The following RNASE4 variants were observed in gnomAD, a reference collection of about 807,000 sequenced individuals.
RNASE4 encodes ribonuclease A family member 4, also known as ribonuclease 4.
For synonymous variants in RNASE4, 93 were observed against 71.4 expected (o/e 1.30, Z -1.52); for missense variants, 194 against 192.8 (o/e 1.01, Z -0.04).
chr14:20,698,813 T>C (rs2139037387), intron 1 of RNASE4: 1 of 152,324 alleles, frequency 6.6e-6, no homozygotes, highest in South Asian at 2.1e-4. Flanking sequence ...ACAATAGTCA[T>C]GTGAGAGGAA....
At chr14:20,696,420 G>C (rs186345989) in intron 1 of RNASE4, among the ~76,000 whole-genome samples, 1 of 152,232 alleles carries the variant, frequency 6.6e-6, no homozygotes, top group East Asian at 1.9e-4. Flanking sequence ...TGAATCAATT[G>C]AAGAATTGAA....
rs141398857 is a variant in RNASE4, at chr14:20,693,920, G to T, written c.-17-5435G>T. 1.6e-5 allele frequency: 26 copies of T among 1,613,978 alleles called. No individual in the cohort carries two copies. Among genetic ancestry groups the T allele is most frequent in the Non-Finnish European group, 2.2e-5 (26 of 1,180,014 alleles). ...TCCCCCTGGCCTCCATGCCAGTACC[G>T]AGCCACAGCGGGGTTCAGAAACGTT... On this transcript the variant is annotated intron_variant, in intron 1 of 1. Transcript: ENST00000555835.
chr14:20,696,932 G>A (rs532444490), intron 1 of RNASE4, among the ~76,000 whole-genome samples: 2 of 152,110 alleles, frequency 1.3e-5, no homozygotes, highest in Non-Finnish European at 2.9e-5. Context: ...TTTAGACCAC[G>A]GTGTCAAAAG....
intron 1 of RNASE4, among the ~76,000 whole-genome samples, chr14:20,689,915 C>CAAAAA (rs58958050): frequency 2.5e-5 from 3 of 121,556 alleles, no homozygotes; most frequent in African/African-American, 9.2e-5. Context: ...GACTCTGTCT[C>CAAAAA]AAAAAAAAAA....
rs974913118 is a variant in RNASE4, at chr14:20,700,850, G to T, written c.*1035G>T. On this transcript the variant is annotated 3_prime_UTR_variant, in exon 2 of 2. Transcript: ENST00000555835. ...AATTAGGGAGCTGTCAGGTCTCTGA[G>T]CCCAAGCCTGCACGTATACATCCAG... 18 of 152,750 alleles carry T rather than the reference G, an allele frequency of 1.2e-4. No individual in the cohort carries two copies. The highest frequency in any genetic ancestry group is 4.1e-4 in the African/African-American group (17 of 41,544). The allele number at this position is 152,750 out of a possible 1,614,324, so 9.5% of individuals were successfully genotyped here. A position where few individuals can be genotyped will look rare whatever the true frequency, so the allele number is the denominator to read the frequency against.
At chr14:20,693,395 A>T in intron 1 of RNASE4, 1 of 964,260 alleles carries the variant, frequency 1.0e-6, no homozygotes, top group Non-Finnish European at 1.6e-6. Flanking sequence ...ACGAAGTGTG[A>T]GGTTAATGAG....
chr14:20,699,181 TC>T, intron 1 of RNASE4, 173 bp from the exon 2 acceptor site: 1 of 588,164 alleles, frequency 1.7e-6, no homozygotes, highest in Non-Finnish European at 3.0e-6. Context: ...TGCAAACTAC[TC>T]ACTCTTGAGG....
rs960652805 is a variant in RNASE4 at position 20,688,797 on chromosome 14, A to G, written c.-18+4039A>G. 13 of 985,294 alleles carry G rather than the reference A, an allele frequency of 1.3e-5. No homozygotes were observed. The African/African-American group carries it at 2.3e-4, about 17-fold the overall frequency. The allele number at this position is 985,294 out of a possible 1,614,324, so 61.0% of individuals were successfully genotyped here. A position where few individuals can be genotyped will look rare whatever the true frequency, so the allele number is the denominator to read the frequency against. Reference sequence around the variant, plus strand: ...CTCCAGGTTCACACAACTGGAACCCATCTCCAGGAACAAACAGCTGGAACC... The same window carrying G: ...CTCCAGGTTCACACAACTGGAACCCGTCTCCAGGAACAAACAGCTGGAACC... On this transcript the variant is annotated intron_variant, in intron 1 of 1. Transcript: ENST00000555835.
chr14:20,698,121 T>C (rs1230300295), intron 1 of RNASE4, among the ~76,000 whole-genome samples: 1 of 152,046 alleles, frequency 6.6e-6, no homozygotes, highest in Non-Finnish European at 1.5e-5. Flanking sequence ...CTTTAATCTG[T>C]CAATGAAAGC....
Position 20,700,097 on chromosome 14 carries a change from A to G in RNASE4, c.*282A>G, listed in dbSNP as rs943566519. The G allele has an allele frequency of 2.6e-6, 1 of 391,874 alleles. No homozygotes were observed. The highest frequency in any genetic ancestry group is 4.2e-5 in the Admixed American group (1 of 23,564). 24.3% of individuals were successfully genotyped at this position (391,874 alleles called of 1,614,324 possible). The stretch of plus-strand genomic sequence containing the variant: ...CCTGTGGAATTTAGTTATTATGTGT[A>G]TTTATGTAGTATTTCAAACATTTCA... On this transcript the variant is annotated 3_prime_UTR_variant, in exon 2 of 2. Transcript: ENST00000555835.
At chr14:20,692,608 A>G (rs573024590) in intron 1 of RNASE4, among the ~76,000 whole-genome samples, 1 of 152,336 alleles carries the variant, frequency 6.6e-6, no homozygotes, top group Non-Finnish European at 1.5e-5. Flanking sequence ...GAATCTAACT[A>G]ATGCTTGATG....
At chr14:20,695,904 T>C (rs1887077405) in intron 1 of RNASE4, among the ~76,000 whole-genome samples, 1 of 152,270 alleles carries the variant, frequency 6.6e-6, no homozygotes, top group African/African-American at 2.4e-5. Flanking sequence ...CTGTCATTCC[T>C]TAAGAAAATA....
chr14:20,697,059 C>T (rs1166928942), intron 1 of RNASE4, among the ~76,000 whole-genome samples: 2 of 152,210 alleles, frequency 1.3e-5, no homozygotes, highest in Non-Finnish European at 2.9e-5. Flanking sequence ...GTAGCTACAG[C>T]TTTGAGATGC....
At chr14:20,693,528 C>A in intron 1 of RNASE4, 2 of 1,608,338 alleles carry the variant, frequency 1.2e-6, no homozygotes, top group South Asian at 2.2e-5. Context: ...TCTACCACAC[C>A]TCCTTTTGCC....
Position 20,699,395 on chromosome 14 carries a change from A to T in RNASE4, c.24A>T (p.Ser8=). The T allele has an allele frequency of 6.2e-7, 1 of 1,605,042 alleles. No homozygotes were observed. The change falls in exon 2 of 2, where the codon TCA becomes TCT. Residue 8 remains serine (S), a synonymous_variant. Coordinates refer to ENST00000555835, the MANE Select transcript of RNASE4 (RefSeq NM_002937.5). MALQRTH[S]LLLLLLLTLL... The stretch of plus-strand genomic sequence containing the variant: ...TGATGGCTCTGCAGAGGACCCATTC[A>T]TTGCTTCTGCTTTTGCTGCTGACCC...
intron 1 of RNASE4, among the ~76,000 whole-genome samples, chr14:20,696,731 TAAA>T (rs34394955): frequency 3.4e-5 from 5 of 145,030 alleles, no homozygotes; most frequent in Non-Finnish European, 6.1e-5. Flanking sequence ...ATGGAAGTGG[TAAA>T]AAAAAAAAAA....
At chr14:20,694,594 C>T (rs1043763001) in intron 1 of RNASE4, among the ~76,000 whole-genome samples, 9 of 152,054 alleles carry the variant, frequency 5.9e-5, no homozygotes, top group Admixed American at 5.2e-4. Flanking sequence ...GCCACTGAGC[C>T]GGGCCACTTT....
intron 1 of RNASE4, chr14:20,693,584 T>G (rs1051957135): frequency 6.2e-7 from 1 of 1,613,194 alleles, no homozygotes; most frequent in Non-Finnish European, 8.5e-7. Flanking sequence ...GGCCTGGGCG[T>G]TTTGTTGTTG....
At position 20,687,215 on chromosome 14, in the gene RNASE4, C is replaced by T. The variant is rs79377029; in HGVS notation, c.-18+2457C>T. On this transcript the variant is annotated intron_variant, in intron 1 of 1. Coordinates refer to ENST00000555835, the MANE Select transcript of RNASE4 (RefSeq NM_002937.5). The stretch of plus-strand genomic sequence containing the variant: ...GCATTCTAATGAAATAGTAATTTTT[C>T]CCCCAAACCCTACTTTTCATTTCAA... 7.6e-3 allele frequency among the ~76,000 whole-genome samples: 1,150 copies of T among 152,244 alleles called. 74 individuals are homozygous for T. In the East Asian group the frequency reaches 0.15, roughly 19 times the overall value.
Sources: gnomAD v4.1 joint callset for allele counts (sites outside exome capture counted in the v4.1 genomes callset) on GRCh38, gnomAD v4.1.1 for gene constraint, MANE v1.5 for transcripts, NCBI Gene and HGNC (gene_info 2026-07-23, HGNC 2026-07-21) for gene names.